GRID1: variants seen among roughly 807,000 people sequenced by gnomAD.
The protein encoded by GRID1 is glutamate ionotropic receptor delta type subunit 1.
A neutral mutation model predicts 98.0 loss-of-function variants in GRID1; 28 were observed. The ratio of observed to expected loss-of-function variants is 0.29; its 90% CI spans 0.21 to 0.39. The LOEUF (loss-of-function observed/expected upper bound fraction) is 0.39. Among genes scored for constraint, GRID1 ranks in the 10% least tolerant of loss-of-function variants. GRID1 has a pLI of 1.00. For synonymous variants in GRID1, 553 were observed against 538.5 expected (o/e 1.03, Z -0.37); for missense variants, 1,111 against 1,340.5 (o/e 0.83, Z 2.67).
chr10:86,117,445 A>T (rs560037743), intron 4 of GRID1, among the ~76,000 whole-genome samples: 1 of 151,784 alleles, frequency 6.6e-6, no homozygotes, highest in African/African-American at 2.4e-5. Flanking sequence ...ACACCATCCT[A>T]CCACCACCAC....
intron 4 of GRID1, among the ~76,000 whole-genome samples, chr10:85,986,836 C>G (rs544388259): frequency 1.3e-5 from 2 of 152,296 alleles, no homozygotes; most frequent in African/African-American, 2.4e-5. Flanking sequence ...GCTTCCTTCT[C>G]TTATGAAACC....
intron 7 of GRID1, among the ~76,000 whole-genome samples, chr10:85,855,725 C>T (rs1174818178): frequency 2.6e-5 from 4 of 152,228 alleles, no homozygotes; most frequent in African/African-American, 9.6e-5. Flanking sequence ...GGGTACCTTG[C>T]AGACACGGGA....
intron 3 of GRID1, among the ~76,000 whole-genome samples, chr10:86,187,860 T>C (rs775581532): frequency 6.6e-6 from 1 of 152,214 alleles, no homozygotes; most frequent in Non-Finnish European, 1.5e-5. Context: ...AGTTGCTACA[T>C]AAGACACACA....
At chr10:86,210,097 A>G (rs1169446902) in intron 2 of GRID1, among the ~76,000 whole-genome samples, 1 of 152,168 alleles carries the variant, frequency 6.6e-6, no homozygotes. Context: ...CAACTGGAGG[A>G]GAGAGAAAGG....
intron 8 of GRID1, among the ~76,000 whole-genome samples, chr10:85,735,298 C>T (rs1020116388): frequency 6.6e-6 from 1 of 152,140 alleles, no homozygotes; most frequent in South Asian, 2.1e-4. Flanking sequence ...AAGACAGCTA[C>T]GGTTTTCATT....
intron 3 of GRID1, among the ~76,000 whole-genome samples, chr10:86,167,820 A>T (rs1042583249): frequency 2.0e-5 from 3 of 152,184 alleles, no homozygotes; most frequent in South Asian, 2.1e-4. Flanking sequence ...ACCACCTAGG[A>T]TTCCTGCCTG....
At chr10:86,351,146 C>A (rs76421617) in intron 2 of GRID1, among the ~76,000 whole-genome samples, 1 of 152,210 alleles carries the variant, frequency 6.6e-6, no homozygotes, top group African/African-American at 2.4e-5. Flanking sequence ...CAGCTGCAAG[C>A]GCCACTCAGG....
intron 8 of GRID1, among the ~76,000 whole-genome samples, chr10:85,812,781 A>C (rs1842683994): frequency 2.0e-5 from 3 of 150,962 alleles, no homozygotes; most frequent in Admixed American, 2.0e-4. Flanking sequence ...CTTTCACTAC[A>C]TATTTGTGTG....
chr10:85,755,039 C>A (rs1309318923), intron 8 of GRID1, among the ~76,000 whole-genome samples: 1 of 152,108 alleles, frequency 6.6e-6, no homozygotes, highest in South Asian at 2.1e-4. Flanking sequence ...TGAAGCAGCC[C>A]GATCATGAGC....
At position 85,602,433 on chromosome 10, in the gene GRID1, C is replaced by T; in HGVS notation, c.2870G>A (p.Ser957Asn). ...CTGCATGGAGGGCATGGTCGCCGAG[C>T]TGCTCAGCGGCAGCGGCAGGTTGCT... ...PSSNLPLPLS[S>N]SATMPSMQCK... The change falls in exon 16 of 16, where the codon AGC (serine) becomes AAC (asparagine). Residue 957 changes from serine to asparagine, a missense_variant. Physicochemically the swap from Ser to Asn is conservative, Grantham distance 46. Transcript: ENST00000327946. 1 of 1,614,160 alleles carries T rather than the reference C, an allele frequency of 6.2e-7. No homozygotes were observed. The highest frequency in any genetic ancestry group is 8.5e-7 in the Non-Finnish European group (1 of 1,180,030).
chr10:85,961,423 A>T (rs1842265416), intron 4 of GRID1, among the ~76,000 whole-genome samples: 1 of 152,034 alleles, frequency 6.6e-6, no homozygotes, highest in Non-Finnish European at 1.5e-5. Context: ...ACCAGTGAGG[A>T]GGCCTCCCGC....
rs921701915 is a variant in GRID1 at position 86,365,455 on chromosome 10, A to C, written c.79+859T>G. ...CCACCCACTCCCCCTCGGCGCGCCC[A>C]CTCCCCCTCGGCGCGCCCCCTCCTC... is the stretch of plus-strand genomic sequence containing the variant. On this transcript the variant is annotated intron_variant, in intron 1 of 15. Coordinates refer to ENST00000327946, the MANE Select transcript of GRID1 (RefSeq NM_017551.3). The surrounding 1 kb of genome is among the most constrained non-coding windows in gnomAD (Gnocchi z 4.8). 1.6e-4 allele frequency among the ~76,000 whole-genome samples: 15 copies of C among 95,220 alleles called. No homozygotes were observed. Among genetic ancestry groups the C allele is most frequent in the Admixed American group, 2.0e-4 (2 of 9,950 alleles). The allele number at this position is 95,220 out of a possible 152,430, so 62.5% of individuals were successfully genotyped here.
At chr10:86,243,264 C>A (rs1210974692) in intron 2 of GRID1, among the ~76,000 whole-genome samples, 1 of 152,158 alleles carries the variant, frequency 6.6e-6, no homozygotes, top group Admixed American at 6.5e-5. Context: ...CTCTGCAGAC[C>A]CGTGCTCAAT....
At chr10:85,616,098 T>C (rs1842785103) in intron 14 of GRID1, among the ~76,000 whole-genome samples, 1 of 152,180 alleles carries the variant, frequency 6.6e-6, no homozygotes, top group Non-Finnish European at 1.5e-5. Flanking sequence ...CAGAGCTCCA[T>C]AAAAGCTGGT....
chr10:85,716,142 G>T (rs969508245), intron 12 of GRID1, among the ~76,000 whole-genome samples: 15 of 152,148 alleles, frequency 9.9e-5, no homozygotes, highest in East Asian at 1.9e-4. Context: ...CCTGACCTCA[G>T]GTGATTCACC....
intron 12 of GRID1, among the ~76,000 whole-genome samples, chr10:85,692,360 G>A (rs1841342435): frequency 6.6e-6 from 1 of 152,106 alleles, no homozygotes; most frequent in African/African-American, 2.4e-5. Flanking sequence ...AATAAGTTCA[G>A]TGATAGAAAC....
At chr10:85,900,201 G>A (rs1841360530) in intron 5 of GRID1, among the ~76,000 whole-genome samples, 1 of 152,206 alleles carries the variant, frequency 6.6e-6, no homozygotes, top group Admixed American at 6.5e-5. Flanking sequence ...AATTTCCCAT[G>A]CTGTGTGAAG....
intron 4 of GRID1, among the ~76,000 whole-genome samples, chr10:85,953,883 T>A (rs1201584308): frequency 6.6e-6 from 1 of 152,176 alleles, no homozygotes; most frequent in Non-Finnish European, 1.5e-5. Context: ...GGGACAATGT[T>A]TTCCTATTAA....
intron 8 of GRID1, among the ~76,000 whole-genome samples, chr10:85,834,687 T>C (rs1842897381): frequency 6.6e-6 from 1 of 152,118 alleles, no homozygotes; most frequent in Non-Finnish European, 1.5e-5. Context: ...TCACTCAAAG[T>C]GGCAAAATGT....
Sources: allele counts gnomAD v4.1 joint callset (sites outside exome capture counted in the v4.1 genomes callset), GRCh38; gene constraint gnomAD v4.1.1; non-coding constraint Gnocchi (gnomAD v3.1); transcripts MANE v1.5; gene names NCBI Gene and HGNC (gene_info 2026-07-23, HGNC 2026-07-21).